The following TMOD1 variants were observed in gnomAD, a reference collection of about 807,000 sequenced individuals.
The protein encoded by TMOD1 is tropomodulin-1.
A neutral mutation model predicts 40.6 loss-of-function variants in TMOD1; 17 were observed. The ratio of observed to expected loss-of-function variants is 0.42; its 90% confidence interval spans 0.29 to 0.63. TMOD1 has a LOEUF of 0.63. Ranked by LOEUF, TMOD1 falls within the 20% of genes least tolerant of loss-of-function variation. The pLI, the probability that TMOD1 is intolerant of heterozygous loss-of-function variation, is 0.22. For missense variants in TMOD1, 391 were observed against 447.6 expected, an observed-to-expected ratio of 0.87 and a Z score of 1.14; for synonymous variants, 181 against 175.0, an observed-to-expected ratio of 1.03 and a Z score of -0.27.
intron 2 of TMOD1, among the ~76,000 whole-genome samples, chr9:97,526,510 T>A (rs1812119704): frequency 6.6e-6 from 1 of 152,180 alleles, no homozygotes; most frequent in Admixed American, 6.5e-5. Flanking sequence ...ATAATCAAAG[T>A]TACTGAACTG....
rs551819794 is a variant in TMOD1 at position 97,505,338 on chromosome 9, C to T, written c.-49+3535C>T. Among the ~76,000 whole-genome samples, 11 of 152,322 alleles carry T rather than the reference C, an allele frequency of 7.2e-5. No individual in the cohort carries two copies. The East Asian group carries it at 1.9e-3, about 27-fold the overall frequency. On this transcript the variant is annotated intron_variant, in intron 1 of 9. Transcript: ENST00000259365. Reference sequence around the variant, plus strand: ...CTTGCGTCCGTCCACGCATGTCCATCCCTGTCTCAGTTCATGTTCTCAGGG... The same window carrying T: ...CTTGCGTCCGTCCACGCATGTCCATTCCTGTCTCAGTTCATGTTCTCAGGG...
intron 1 of TMOD1, among the ~76,000 whole-genome samples, chr9:97,523,016 G>C (rs2131220741): frequency 6.6e-6 from 1 of 152,264 alleles, no homozygotes; most frequent in South Asian, 2.1e-4. Context: ...AGCACCCTCG[G>C]ACTGATGTCA....
At chr9:97,550,504 G>T (rs1195451276) in intron 3 of TMOD1, among the ~76,000 whole-genome samples, 2 of 152,056 alleles carry the variant, frequency 1.3e-5, no homozygotes, top group African/African-American at 4.8e-5. Flanking sequence ...ATGTACGAGG[G>T]CTCCAATTTT....
intron 8 of TMOD1, 140 bp downstream of exon 8, chr9:97,569,177 TA>T: frequency 9.5e-7 from 1 of 1,050,738 alleles, no homozygotes; most frequent in Non-Finnish European, 1.4e-6. Flanking sequence ...CCAAGGTCCC[TA>T]AAGTTCACAC....
intron 1 of TMOD1, among the ~76,000 whole-genome samples, chr9:97,521,102 T>C (rs1180417675): frequency 6.6e-6 from 1 of 152,210 alleles, no homozygotes; most frequent in African/African-American, 2.4e-5. Context: ...GCTGGTCCTG[T>C]CCTTGTGTCC....
chr9:97,512,082 G>A (rs1044529563), intron 1 of TMOD1, among the ~76,000 whole-genome samples: 1 of 152,166 alleles, frequency 6.6e-6, no homozygotes, highest in Non-Finnish European at 1.5e-5. Context: ...TTCTTCATAT[G>A]ACACCTTGTT....
chr9:97,564,059 A>T lies in TMOD1; in HGVS notation c.509A>T (p.Tyr170Phe). Residue 170 changes from tyrosine to phenylalanine, a missense_variant, in exon 6 of 10, where the codon TAC becomes TTC. Tyr to Phe is a conservative substitution (Grantham distance 22). Coordinates refer to ENST00000259365, the MANE Select transcript of TMOD1 (RefSeq NM_003275.4). ...GLNSVIKPTQYKPVPDEEPNS... is the reference protein window; with the variant it reads ...GLNSVIKPTQFKPVPDEEPNS... ...CTAGGCGTGATTAAACCCACACAAT[A>T]CAAGCCTGTGCCCGACGAAGAACCA... 6.2e-7 allele frequency: 1 copy of T among 1,614,190 alleles called. No homozygotes were observed. The highest frequency in any genetic ancestry group is 8.5e-7 in the Non-Finnish European group (1 of 1,180,030).
chr9:97,564,638 T>G (rs1830698488), intron 6 of TMOD1, among the ~76,000 whole-genome samples: 1 of 152,218 alleles, frequency 6.6e-6, no homozygotes, highest in African/African-American at 2.4e-5. Context: ...AGCCTTGTTT[T>G]ACAGCCACAG....
intron 9 of TMOD1, among the ~76,000 whole-genome samples, chr9:97,599,294 T>C (rs569657235): frequency 3.9e-5 from 6 of 152,294 alleles, no homozygotes; most frequent in Admixed American, 1.3e-4. Flanking sequence ...TTAAGAAGAC[T>C]GACTAAACTT....
At chr9:97,559,817 ATATATATGTCTATCTATCTATC>A (rs1830606215) in intron 4 of TMOD1, among the ~76,000 whole-genome samples, 6 of 43,288 alleles carry the variant, frequency 1.4e-4, no homozygotes, top group South Asian at 1.1e-3. Context: ...ATATATATAT[ATATATATGTCTATCTATCTATC>A]TATCTATCTA....
rs41316964 is a variant in TMOD1 at position 97,601,369 on chromosome 9, A to G, written c.*1671A>G. The stretch of plus-strand genomic sequence containing the variant: ...TGGATGACCTCAGTAAGAATGTGTC[A>G]TGTATTCCAGGTGCTGATCTAAAAA... On this transcript the variant is annotated 3_prime_UTR_variant, in exon 10 of 10. Coordinates refer to ENST00000259365, the MANE Select transcript of TMOD1 (RefSeq NM_003275.4). 1.5e-4 allele frequency: 163 copies of G among 1,093,686 alleles called. No homozygotes were observed. Among genetic ancestry groups the G allele is most frequent in the Admixed American group, 2.0e-4 (4 of 19,836 alleles). 67.7% of individuals were successfully genotyped at this position (1,093,686 alleles called of 1,614,324 possible).
At chr9:97,598,026 G>A (rs1229197312) in intron 9 of TMOD1, among the ~76,000 whole-genome samples, 1 of 151,962 alleles carries the variant, frequency 6.6e-6, no homozygotes, top group Non-Finnish European at 1.5e-5. Flanking sequence ...GGCTCAAGAT[G>A]AGTCAAAAGT....
chr9:97,526,955 T>C (rs918743181), intron 2 of TMOD1, among the ~76,000 whole-genome samples: 2 of 152,186 alleles, frequency 1.3e-5, no homozygotes, highest in Non-Finnish European at 1.5e-5. Flanking sequence ...CCCATAGAAT[T>C]ACACATCTCT....
At chr9:97,562,184 G>A (rs1307424015) in intron 4 of TMOD1, among the ~76,000 whole-genome samples, 1 of 152,208 alleles carries the variant, frequency 6.6e-6, no homozygotes, top group African/African-American at 2.4e-5. Flanking sequence ...GAGCTTTCCA[G>A]CTGCTTTGTG....
chr9:97,508,263 A>G lies in TMOD1; in HGVS notation c.-49+6460A>G, dbSNP rs530058198. 3.6e-4 allele frequency among the ~76,000 whole-genome samples: 55 copies of G among 151,902 alleles called. 3 individuals carry two copies. The South Asian group carries it at 0.011, about 31-fold the overall frequency. ...GAGGGCAGTGGGGCGATCTCAGCTC[A>G]CTGCAACCTCCGCCTCCCAGGTTCA... On this transcript the variant is annotated intron_variant, in intron 1 of 9. Transcript: ENST00000259365.
rs1780353182 is a variant in TMOD1 at position 97,600,914 on chromosome 9, T to C, written c.*1216T>C. 1 of 1,157,250 alleles carries C rather than the reference T, an allele frequency of 8.6e-7. No individual in the cohort carries two copies. The highest frequency in any genetic ancestry group is 1.1e-6 in the Non-Finnish European group (1 of 918,510). 71.7% of individuals were successfully genotyped at this position (1,157,250 alleles called of 1,614,324 possible). ...CACAGTGCCAGTTAAACTAATATTT[T>C]TGTTTGTTGCTTTTGGGAGTTATTT... On this transcript the variant is annotated 3_prime_UTR_variant, in exon 10 of 10. Coordinates refer to ENST00000259365, the MANE Select transcript of TMOD1 (RefSeq NM_003275.4).
chr9:97,594,917 C>G (rs1158449689), intron 9 of TMOD1, among the ~76,000 whole-genome samples: 1 of 152,156 alleles, frequency 6.6e-6, no homozygotes. Context: ...ATCTGAATTG[C>G]AGCCTGTGAG....
chr9:97,530,009 C>T (rs1372178756), intron 2 of TMOD1, among the ~76,000 whole-genome samples: 3 of 152,186 alleles, frequency 2.0e-5, no homozygotes, highest in Non-Finnish European at 4.4e-5. Flanking sequence ...GCAATCTGAG[C>T]GGTGCTGGGA....
intron 7 of TMOD1, among the ~76,000 whole-genome samples, chr9:97,568,652 G>C (rs1227318415): frequency 6.6e-6 from 1 of 152,172 alleles, no homozygotes; most frequent in East Asian, 1.9e-4. Context: ...TTCTGGACAG[G>C]GGAGTAGACC....
Sources: allele counts gnomAD v4.1 joint callset (sites outside exome capture counted in the v4.1 genomes callset), GRCh38; gene constraint gnomAD v4.1.1; transcripts MANE v1.5; gene names NCBI Gene and HGNC (gene_info 2026-07-23, HGNC 2026-07-21).